XPR1: variants seen among roughly 807,000 people sequenced by gnomAD.
The protein encoded by XPR1 is solute carrier family 53 member 1.
Under a neutral mutation model 87.5 loss-of-function variants are expected in XPR1, and 28 were observed. The observed-to-expected ratio is 0.32, with a 90% CI of 0.24 to 0.44. The LOEUF (loss-of-function observed/expected upper bound fraction) is 0.44, where lower values mean the gene tolerates loss of function less well. Ranked by LOEUF, XPR1 falls within the 20% of genes least tolerant of loss-of-function variation. The pLI, the probability that XPR1 is intolerant of heterozygous loss-of-function variation, is 1.00. For missense variants in XPR1, 559 were observed against 862.3 expected, an observed-to-expected ratio of 0.65 and a Z score of 4.41; for synonymous variants, 300 against 306.1, an observed-to-expected ratio of 0.98 and a Z score of 0.21.
intron 11 of XPR1, among the ~76,000 whole-genome samples, chr1:180,851,376 A>G (rs1466253734): frequency 6.6e-6 from 1 of 152,156 alleles, no homozygotes; most frequent in Non-Finnish European, 1.5e-5. Context: ...AGTAGAGGGT[A>G]AGATGGAATC....
chr1:180,756,990 C>G (rs1219164711), intron 2 of XPR1, among the ~76,000 whole-genome samples: 1 of 152,168 alleles, frequency 6.6e-6, no homozygotes, highest in African/African-American at 2.4e-5. Context: ...TTTCTGGACT[C>G]TCAATTCTTT....
intron 2 of XPR1, among the ~76,000 whole-genome samples, chr1:180,694,133 A>T (rs1346729724): frequency 6.6e-6 from 1 of 152,022 alleles, no homozygotes; most frequent in East Asian, 1.9e-4. Flanking sequence ...AATTAAAGAA[A>T]TTTTTTTGTA....
intron 2 of XPR1, among the ~76,000 whole-genome samples, chr1:180,783,977 C>A (rs1159563255): frequency 6.6e-6 from 1 of 151,806 alleles, no homozygotes; most frequent in Non-Finnish European, 1.5e-5. Flanking sequence ...ATCTCTTGAA[C>A]CCGGAAGGTG....
Position 180,803,877 on chromosome 1 carries a change from A to G in XPR1, c.447+266A>G, listed in dbSNP as rs555336532. On this transcript the variant is annotated intron_variant, in intron 4 of 14. Coordinates refer to ENST00000367590, the MANE Select transcript of XPR1 (RefSeq NM_004736.4). ...AGGGATAGTCCACAACTCAAGGACT[A>G]ACAGTTTGCTTCCTGTTTTTAGAGG... is the stretch of plus-strand genomic sequence containing the variant. 3.4e-4 allele frequency among the ~76,000 whole-genome samples: 52 copies of G among 152,328 alleles called. 1 individual carries two copies. The South Asian group carries it at 0.01, about 30-fold the overall frequency.
At chr1:180,809,711 A>G (rs1212484338) in intron 6 of XPR1, among the ~76,000 whole-genome samples, 2 of 152,190 alleles carry the variant, frequency 1.3e-5, no homozygotes, top group African/African-American at 4.8e-5. Context: ...GGAATAGGGA[A>G]TTCAAAGTTA....
intron 11 of XPR1, among the ~76,000 whole-genome samples, chr1:180,837,414 T>G (rs1324843623): frequency 1.3e-5 from 2 of 152,222 alleles, no homozygotes; most frequent in African/African-American, 4.8e-5. Flanking sequence ...TAAAGAGATG[T>G]TACTAATTGA....
intron 2 of XPR1, among the ~76,000 whole-genome samples, chr1:180,781,303 T>G (rs1396952969): frequency 6.6e-6 from 1 of 151,990 alleles, no homozygotes; most frequent in Non-Finnish European, 1.5e-5. Context: ...CTATACAGAT[T>G]TAAAAAAAGA....
At chr1:180,694,006 G>GTA (rs1314242638) in intron 2 of XPR1, among the ~76,000 whole-genome samples, 3 of 152,184 alleles carry the variant, frequency 2.0e-5, no homozygotes, top group East Asian at 3.8e-4. Context: ...CATCTAGGCT[G>GTA]TAGTGCAGTG....
chr1:180,886,478 T>C lies in XPR1; in HGVS notation c.*2412T>C, dbSNP rs1185468189. 6.6e-6 allele frequency: 1 copy of C among 152,246 alleles called. No homozygotes were observed. The highest frequency in any genetic ancestry group is 1.5e-5 in the Non-Finnish European group (1 of 68,028). The allele number at this position is 152,246 out of a possible 1,614,324, so 9.4% of individuals were successfully genotyped here. ...ACATTAATGTATCCTATGGCCAGTT[T>C]AGTCTTTCTTCAACTGTTACAGTTC... On this transcript the variant is annotated 3_prime_UTR_variant, in exon 15 of 15. Transcript: ENST00000367590.
intron 11 of XPR1, among the ~76,000 whole-genome samples, chr1:180,854,318 C>T (rs1004846198): frequency 6.6e-6 from 1 of 152,210 alleles, no homozygotes; most frequent in African/African-American, 2.4e-5. Flanking sequence ...GAATTTATCC[C>T]CAGTGGGGTT....
At chr1:180,703,359 G>T (rs1228704914) in intron 2 of XPR1, among the ~76,000 whole-genome samples, 1 of 152,164 alleles carries the variant, frequency 6.6e-6, no homozygotes, top group Non-Finnish European at 1.5e-5. Context: ...ATGTATGTCA[G>T]CAGTGGGCAG....
chr1:180,637,050 C>CAAAAA lies in XPR1; in HGVS notation c.69+4797_69+4801dup, dbSNP rs34479247. On this transcript the variant is annotated intron_variant, in intron 1 of 14. Coordinates refer to ENST00000367590, the MANE Select transcript of XPR1 (RefSeq NM_004736.4). ...CTGGCAACAGAGTAAGACTTCATCT[C>CAAAAA]AAAAAAAAAAAAAAAAAAAAAGGAA... is the stretch of plus-strand genomic sequence containing the variant. 2.1e-3 allele frequency among the ~76,000 whole-genome samples: 174 copies of CAAAAA among 81,560 alleles called. 3 individuals are homozygous for CAAAAA. Among genetic ancestry groups the CAAAAA allele is most frequent in the African/African-American group, 7.6e-3 (153 of 20,056 alleles). 53.5% of individuals were successfully genotyped at this position (81,560 alleles called of 152,430 possible). A position where few individuals can be genotyped will look rare whatever the true frequency, so the allele number is the denominator to read the frequency against.
chr1:180,654,781 G>T (rs1655399853), intron 1 of XPR1, among the ~76,000 whole-genome samples: 1 of 152,060 alleles, frequency 6.6e-6, no homozygotes, highest in Non-Finnish European at 1.5e-5. Context: ...TCTACTATAT[G>T]AATATAATTG....
Position 180,736,980 on chromosome 1 carries a change from G to T in XPR1, c.122-50773G>T, listed in dbSNP as rs138532018. On this transcript the variant is annotated intron_variant, in intron 2 of 14. Coordinates refer to ENST00000367590, the MANE Select transcript of XPR1 (RefSeq NM_004736.4). ...CGCAAGATGGTGGATACTCACACCTGCCCTGTGGAAAGTATTCTTTGTAGA... is the reference window on the plus strand; with the variant it reads ...CGCAAGATGGTGGATACTCACACCTTCCCTGTGGAAAGTATTCTTTGTAGA... 7.4e-3 allele frequency among the ~76,000 whole-genome samples: 1,120 copies of T among 152,332 alleles called. 8 individuals are homozygous for T. The highest frequency in any genetic ancestry group is 0.017 in the Middle Eastern group (5 of 294).
Position 180,806,176 on chromosome 1 carries a change from T to G in XPR1, c.562T>G (p.Cys188Gly), listed in dbSNP as rs1307088954. ...CGTAGAGGTGGCCCCATTTTATACATGCAAGAAAATCAACCAGCTTATCTC... is the reference window on the plus strand; with the variant it reads ...CGTAGAGGTGGCCCCATTTTATACAGGCAAGAAAATCAACCAGCTTATCTC... ...AHVEVAPFYT[C>G]KKINQLISET... is the part of the protein sequence containing the mutation. Residue 188 changes from cysteine to glycine, a missense_variant, in exon 5 of 15, where the codon TGC becomes GGC. Around this residue, in one of 7 missense-constraint regions of XPR1, gnomAD observed 159 missense variants for 263.3 expected, o/e 0.60. Coordinates refer to ENST00000367590, the MANE Select transcript of XPR1 (RefSeq NM_004736.4). 1 of 1,613,588 alleles carries G rather than the reference T, an allele frequency of 6.2e-7. No individual in the cohort carries two copies. Among genetic ancestry groups the G allele is most frequent in the East Asian group, 2.2e-5 (1 of 44,862 alleles).
At chr1:180,784,599 T>C (rs74227332) in intron 2 of XPR1, among the ~76,000 whole-genome samples, 7,865 of 152,130 alleles carry the variant, frequency 0.052, 461 homozygotes, top group East Asian at 0.27. Context: ...CTGTGTTTTG[T>C]GTAATATTAA....
chr1:180,829,576 T>C (rs1650980817), intron 9 of XPR1, among the ~76,000 whole-genome samples: 1 of 152,234 alleles, frequency 6.6e-6, no homozygotes, highest in African/African-American at 2.4e-5. Context: ...GTATTTTGTG[T>C]GTATCTCTAT....
rs528724889 is a variant in XPR1, at chr1:180,742,748, A to G, written c.122-45005A>G. ...AAGAGTTATGTTGAAGTCTCCAGCT[A>G]TAATTGTATATTTATCTCTTTCTCC... On this transcript the variant is annotated intron_variant, in intron 2 of 14. Coordinates refer to ENST00000367590, the MANE Select transcript of XPR1 (RefSeq NM_004736.4). 3.3e-5 allele frequency among the ~76,000 whole-genome samples: 5 copies of G among 152,190 alleles called. No individual in the cohort carries two copies. In the East Asian group the frequency reaches 7.7e-4, roughly 23 times the overall value.
At chr1:180,809,092 T>A (rs1469104659) in intron 6 of XPR1, among the ~76,000 whole-genome samples, 1 of 152,060 alleles carries the variant, frequency 6.6e-6, no homozygotes, top group African/African-American at 2.4e-5. Flanking sequence ...AAGGAATAAC[T>A]GATTGATAAA....
Sources: gnomAD v4.1 joint callset for allele counts (sites outside exome capture counted in the v4.1 genomes callset) on GRCh38, gnomAD v4.1.1 for gene constraint, gnomAD v4.1.1 regional missense constraint, MANE v1.5 for transcripts, NCBI Gene and HGNC (gene_info 2026-07-23, HGNC 2026-07-21) for gene names.